Variants in TAF8 observed in about 807,000 individuals in gnomAD.
TAF8 encodes the protein TATA-box binding protein associated factor 8.
In TAF8, 47 loss-of-function variants were observed where a neutral mutation model predicts 36.5. The ratio of observed to expected loss-of-function variants is 1.29; its 90% confidence interval spans 1.02 to 1.64. TAF8 has a LOEUF of 1.64. TAF8 is among the 40% of genes most tolerant of loss of function. The probability of loss-of-function intolerance (pLI) is 0.00; values close to 1 mark genes in which losing one functional copy is unlikely to be tolerated. For synonymous variants in TAF8, 175 were observed against 159.5 expected (o/e 1.10, Z -0.73); for missense variants, 420 against 407.6 (o/e 1.03, Z -0.26).
At chr6:42,053,174 G>A (rs1764858473) in intron 2 of TAF8, among the ~76,000 whole-genome samples, 2 of 152,254 alleles carry the variant, frequency 1.3e-5, no homozygotes, top group South Asian at 4.2e-4. Flanking sequence ...CTACAGGCAT[G>A]TGCCACCACA....
chr6:42,081,046 A>AT lies in TAF8; in HGVS notation c.*3503dup. ...TATTTTGGAAATTTTCAAATACAAAATTAGAGAGCAAAATATATGAACCCC... is the reference window on the plus strand; with the variant it reads ...TATTTTGGAAATTTTCAAATACAAAATTTAGAGAGCAAAATATATGAACCCC... On this transcript the variant is annotated 3_prime_UTR_variant, in exon 9 of 9. Coordinates refer to ENST00000372977, the MANE Select transcript of TAF8 (RefSeq NM_138572.3). The AT allele has an allele frequency of 1.2e-6, 1 of 856,188 alleles. No individual in the cohort carries two copies. The allele number at this position is 856,188 out of a possible 1,614,324, so 53.0% of individuals were successfully genotyped here. A position where few individuals can be genotyped will look rare whatever the true frequency, so the allele number is the denominator to read the frequency against.
intron 7 of TAF8, among the ~76,000 whole-genome samples, chr6:42,070,944 T>C (rs1050971758): frequency 2.0e-5 from 3 of 151,846 alleles, no homozygotes; most frequent in Non-Finnish European, 1.5e-5. Flanking sequence ...GGCAAGGAGG[T>C]GTTCTAGTCC....
intron 7 of TAF8, 120 bp downstream of exon 7, chr6:42,068,727 G>A (rs192768610): frequency 6.8e-4 from 814 of 1,195,368 alleles, no homozygotes; most frequent in Non-Finnish European, 9.3e-4. Flanking sequence ...TCTGTTAGGG[G>A]CCTGCATAAG....
In TAF8 at chr6:42,071,311, C is replaced by CTTTT. The variant is rs70987566; in HGVS notation, c.780+2734_780+2737dup. On this transcript the variant is annotated intron_variant, in intron 7 of 8. Transcript: ENST00000372977. Reference sequence around the variant, plus strand: ...TGAAGGTCTTATTTGCCTGGACATACTTTTTTTTTTTTTTTTTTTTTTTTT... The same window carrying CTTTT: ...TGAAGGTCTTATTTGCCTGGACATACTTTTTTTTTTTTTTTTTTTTTTTTTTTTT... 2.4e-3 allele frequency: 294 copies of CTTTT among 121,676 alleles called. 26 individuals carry two copies. Among genetic ancestry groups the CTTTT allele is most frequent in the African/African-American group, 0.013 (243 of 18,246 alleles). The allele number at this position is 121,676 out of a possible 1,614,324, so 7.5% of individuals were successfully genotyped here. A position where few individuals can be genotyped will look rare whatever the true frequency, so the allele number is the denominator to read the frequency against.
intron 4 of TAF8, 188 bp downstream of exon 4, chr6:42,056,202 A>G: frequency 3.7e-6 from 2 of 537,164 alleles, no homozygotes; most frequent in South Asian, 4.2e-5. Flanking sequence ...TTCAGTCACC[A>G]AAAGGTAAAC....
intron 5 of TAF8, among the ~76,000 whole-genome samples, chr6:42,058,139 T>C (rs1397070584): frequency 6.6e-6 from 1 of 152,134 alleles, no homozygotes; most frequent in Non-Finnish European, 1.5e-5. Flanking sequence ...ATCCCAACAC[T>C]TTGGAAGGCC....
intron 7 of TAF8, among the ~76,000 whole-genome samples, chr6:42,072,125 G>A (rs1240460844): frequency 6.6e-6 from 1 of 152,204 alleles, no homozygotes; most frequent in Non-Finnish European, 1.5e-5. Context: ...CCTACCTCAA[G>A]GGACAGGGGG....
chr6:42,050,854 T>G (rs1346496473), intron 1 of TAF8: 6 of 1,111,654 alleles, frequency 5.4e-6, no homozygotes, highest in Non-Finnish European at 5.7e-6. Context: ...CGTTTTCGCC[T>G]TCTTATTGGC....
chr6:42,078,710 T>C lies in TAF8; in HGVS notation c.*1165T>C. On this transcript the variant is annotated 3_prime_UTR_variant, in exon 9 of 9. Coordinates refer to ENST00000372977, the MANE Select transcript of TAF8 (RefSeq NM_138572.3). The stretch of plus-strand genomic sequence containing the variant: ...CCATTTATTGCCCCTGTGAGGAATG[T>C]GTGCTTGGGAACTGCCAAGTCTTAC... The C allele has an allele frequency of 1.0e-6, 1 of 985,450 alleles. No homozygotes were observed. The highest frequency in any genetic ancestry group is 1.2e-6 in the Non-Finnish European group (1 of 829,944). The allele number at this position is 985,450 out of a possible 1,614,324, so 61.0% of individuals were successfully genotyped here.
At chr6:42,072,078 G>A (rs768590750) in intron 7 of TAF8, among the ~76,000 whole-genome samples, 7 of 152,108 alleles carry the variant, frequency 4.6e-5, no homozygotes, top group South Asian at 2.1e-4. Flanking sequence ...GTTACTTTAC[G>A]CCTTAGTCTA....
In TAF8 at chr6:42,081,352, T is replaced by C. The variant is rs2127467290; in HGVS notation, c.*3807T>C. 1 of 152,120 alleles carries C rather than the reference T, an allele frequency of 6.6e-6. No homozygotes were observed. 9.4% of individuals were successfully genotyped at this position (152,120 alleles called of 1,614,324 possible). On this transcript the variant is annotated 3_prime_UTR_variant, in exon 9 of 9. Transcript: ENST00000372977. ...CCACCACCACCACGCCTGGCTAATT[T>C]TTTCTTTTTTTTTTGGAGACGGAGT... is the stretch of plus-strand genomic sequence containing the variant.
In TAF8 at chr6:42,055,561, C is replaced by T; in HGVS notation, c.233C>T (p.Ser78Phe). The change falls in exon 3 of 9, where the codon TCT becomes TTT. Residue 78 changes from serine to phenylalanine, a missense_variant. Transcript: ENST00000372977. Reference sequence around the variant, plus strand: ...TCAGAAATTGGGAGAAGTGCCAAGTCTTACTGTGAGCACACAGCCAGGACC... The same window carrying T: ...TCAGAAATTGGGAGAAGTGCCAAGTTTTACTGTGAGCACACAGCCAGGACC... ...YISEIGRSAK[S>F]YCEHTARTQP... 6.2e-7 allele frequency: 1 copy of T among 1,614,128 alleles called. No homozygotes were observed. Among genetic ancestry groups the T allele is most frequent in the Non-Finnish European group, 8.5e-7 (1 of 1,179,994 alleles).
rs1301812618 is a variant in TAF8, at chr6:42,051,429, GT to G, written c.120del (p.Val41Ter). On this transcript the variant is annotated frameshift_variant, in exon 2 of 9. Transcript: ENST00000372977. LOFTEE classifies it high-confidence loss of function. ...HLARRRTLQV[V>X]VSSLLTEAGF... ...GGCCCGGAGGAGAACCCTGCAGGTG[GT>G]TGTGAGCTCCTTGCTGACAGAGGCA... 6.2e-7 allele frequency: 1 copy of G among 1,614,024 alleles called. No individual in the cohort carries two copies. The highest frequency in any genetic ancestry group is 1.3e-5 in the African/African-American group (1 of 74,918).
intron 7 of TAF8, among the ~76,000 whole-genome samples, chr6:42,076,705 A>G (rs1765759856): frequency 6.6e-6 from 1 of 152,082 alleles, no homozygotes. Context: ...ATGTGTTCTG[A>G]TCCTGTATCT....
rs956006606 is a variant in TAF8, at chr6:42,051,397, A to G, written c.86A>G (p.Tyr29Cys). The G allele has an allele frequency of 6.8e-6, 11 of 1,614,052 alleles. No individual in the cohort carries two copies. Among genetic ancestry groups the G allele is most frequent in the African/African-American group, 4.0e-5 (3 of 74,926 alleles). ...CAGTCCACTAACCCTGCCGATAACT[A>G]TCATCTGGCCCGGAGGAGAACCCTG... is the stretch of plus-strand genomic sequence containing the variant. ...SKQSTNPADNYHLARRRTLQV... is the reference protein window; with the variant it reads ...SKQSTNPADNCHLARRRTLQV... The change falls in exon 2 of 9, where the codon TAT becomes TGT. Residue 29 changes from tyrosine to cysteine, a missense_variant. Transcript: ENST00000372977.
chr6:42,071,175 G>A (rs1370364968), intron 7 of TAF8, among the ~76,000 whole-genome samples: 2 of 152,072 alleles, frequency 1.3e-5, no homozygotes, highest in African/African-American at 4.8e-5. Flanking sequence ...GGATGCCTTA[G>A]TGGCTGTAGT....
chr6:42,066,479 G>A lies in TAF8; in HGVS notation c.637+20G>A, dbSNP rs372358856. On this transcript the variant is annotated intron_variant, in intron 6 of 8. Transcript: ENST00000372977. ...TTCCATGTGAGAGTTGCCCCACTGT[G>A]TGGACCCTGTCTTATTTGAAACACT... 30 of 1,613,236 alleles carry A rather than the reference G, an allele frequency of 1.9e-5. No individual in the cohort carries two copies. Among genetic ancestry groups the A allele is most frequent in the Non-Finnish European group, 3.4e-6 (4 of 1,179,332 alleles).
At chr6:42,066,803 C>T (rs1765382112) in intron 6 of TAF8, among the ~76,000 whole-genome samples, 1 of 152,088 alleles carries the variant, frequency 6.6e-6, no homozygotes, top group African/African-American at 2.4e-5. Context: ...CTCGTAGGTC[C>T]CACCTCATTT....
At position 42,068,573 on chromosome 6, in the gene TAF8, C is replaced by G; in HGVS notation, c.746C>G (p.Thr249Arg). 6.2e-7 allele frequency: 1 copy of G among 1,613,934 alleles called. No homozygotes were observed. The highest frequency in any genetic ancestry group is 8.5e-7 in the Non-Finnish European group (1 of 1,180,030). The change falls in exon 7 of 9, where the codon ACA becomes AGA. Residue 249 changes from threonine to arginine, a missense_variant. Coordinates refer to ENST00000372977, the MANE Select transcript of TAF8 (RefSeq NM_138572.3). ...ETDSSEQDEQ[T>R]DTENLALHIS... ...GATTCCTCGGAGCAGGATGAACAGA[C>G]AGACACAGAGAACCTTGCTCTTCAT...
Sources: gnomAD v4.1 joint callset for allele counts (sites outside exome capture counted in the v4.1 genomes callset) on GRCh38, gnomAD v4.1.1 for gene constraint, MANE v1.5 for transcripts, NCBI Gene and HGNC (gene_info 2026-07-23, HGNC 2026-07-21) for gene names.